Variants in TMC1 observed in about 807,000 individuals in gnomAD.
TMC1 encodes the protein transmembrane channel like 1, also known as transmembrane channel-like protein 1.
TMC1 carries 84 observed loss-of-function variants against 105.8 expected under a neutral mutation model. That is an observed-to-expected ratio of 0.79 (90% CI 0.67 to 0.95). TMC1 has a LOEUF of 0.95. Ranked by LOEUF, TMC1 falls within the 40% of genes least tolerant of loss-of-function variation. The probability of loss-of-function intolerance (pLI) is 0.00; values close to 1 mark genes in which losing one functional copy is unlikely to be tolerated. For missense variants in TMC1, 817 were observed against 914.1 expected (o/e 0.89, Z 1.37); for synonymous variants, 315 against 311.5 (o/e 1.01, Z -0.12).
chr9:72,766,860 A>G (rs1326872340), intron 12 of TMC1, among the ~76,000 whole-genome samples: 1 of 152,208 alleles, frequency 6.6e-6, no homozygotes. Context: ...AAATAAAATA[A>G]AAAAAACTCA....
intron 2 of TMC1, among the ~76,000 whole-genome samples, chr9:72,612,560 T>C (rs891955783): frequency 1.3e-5 from 2 of 152,130 alleles, no homozygotes; most frequent in African/African-American, 4.8e-5. Flanking sequence ...CACTTAACTC[T>C]GCTATCTCAG....
intron 1 of TMC1, among the ~76,000 whole-genome samples, chr9:72,539,267 G>A (rs1308426630): frequency 6.6e-6 from 1 of 151,914 alleles, no homozygotes; most frequent in African/African-American, 2.4e-5. Context: ...TCAGCCAGGT[G>A]TGGTGGCATG....
rs1341802536 is a variant in TMC1, at chr9:72,789,146, A to C, written c.1053A>C (p.Ala351=). The change falls in exon 15 of 24, where the codon GCA becomes GCC. Residue 351 remains alanine, a synonymous_variant. Coordinates refer to ENST00000297784, the MANE Select transcript of TMC1 (RefSeq NM_138691.3). ...AGGAAGCTATCACAGAAGAAAAAGC[A>C]GCCCAAGTAGAAGAAAACGTCCACT... ...NFKEAITEEK[A]AQVEENVHLI... 1.9e-6 allele frequency: 3 copies of C among 1,612,882 alleles called. No homozygotes were observed. The highest frequency in any genetic ancestry group is 2.5e-6 in the Non-Finnish European group (3 of 1,179,916).
At chr9:72,751,810 C>T (rs747576868) in intron 10 of TMC1, 40 bp from the exon 11 acceptor site, 1 of 1,336,696 alleles carries the variant, frequency 7.5e-7, no homozygotes, top group Non-Finnish European at 1.1e-6. Flanking sequence ...TGTTTGTTTG[C>T]TTTGATCTCT....
chr9:72,613,545 A>G (rs1334264737), intron 2 of TMC1, among the ~76,000 whole-genome samples: 1 of 152,076 alleles, frequency 6.6e-6, no homozygotes, highest in Non-Finnish European at 1.5e-5. Context: ...GAAAGTATTC[A>G]TACCTCTTTT....
chr9:72,836,389 T>C lies in TMC1; in HGVS notation c.*416T>C. 1.1e-5 allele frequency: 2 copies of C among 183,296 alleles called. No homozygotes were observed. Among genetic ancestry groups the C allele is most frequent in the Non-Finnish European group, 2.3e-5 (2 of 86,990 alleles). 11.4% of individuals were successfully genotyped at this position (183,296 alleles called of 1,614,324 possible). ...AACTGAGAGCAGAAATATTTCACCC[T>C]TTTTCCTCTAAGTTCAGAAATATTT... is the stretch of plus-strand genomic sequence containing the variant. On this transcript the variant is annotated 3_prime_UTR_variant, in exon 24 of 24. Coordinates refer to ENST00000297784, the MANE Select transcript of TMC1 (RefSeq NM_138691.3).
chr9:72,579,820 A>G (rs1241730217), intron 2 of TMC1, among the ~76,000 whole-genome samples: 1 of 152,134 alleles, frequency 6.6e-6, no homozygotes, highest in Non-Finnish European at 1.5e-5. Context: ...CCAGGAGTTC[A>G]AGACCAGCCT....
At chr9:72,800,919 T>C (rs1221120197) in intron 17 of TMC1, among the ~76,000 whole-genome samples, 1 of 152,190 alleles carries the variant, frequency 6.6e-6, no homozygotes. Context: ...AAGAGATCAA[T>C]ATCTGTATCC....
Position 72,688,701 on chromosome 9 carries a change from C to T in TMC1, c.17-8C>T. The T allele has an allele frequency of 6.2e-7, 1 of 1,609,186 alleles. No homozygotes were observed. Among genetic ancestry groups the T allele is most frequent in the Non-Finnish European group, 8.5e-7 (1 of 1,176,536 alleles). ...AATAATTGCTGTACTGTTTTCTTTCCTCAACAGTACAAATCAAAGTGGAGG... is the reference window on the plus strand; with the variant it reads ...AATAATTGCTGTACTGTTTTCTTTCTTCAACAGTACAAATCAAAGTGGAGG... On this transcript the variant is annotated splice_polypyrimidine_tract_variant and splice_region_variant and intron_variant, in intron 5 of 23. Transcript: ENST00000297784.
intron 5 of TMC1, among the ~76,000 whole-genome samples, chr9:72,657,648 C>T (rs549072050): frequency 1.3e-5 from 2 of 152,120 alleles, no homozygotes; most frequent in Admixed American, 6.5e-5. Flanking sequence ...ATTTATAAAT[C>T]TTGGGTGTAT....
intron 8 of TMC1, among the ~76,000 whole-genome samples, chr9:72,706,379 T>C (rs1826737226): frequency 6.6e-6 from 1 of 152,248 alleles, no homozygotes; most frequent in South Asian, 2.1e-4. Context: ...TGGATTATTT[T>C]CTTTTTTAAA....
intron 8 of TMC1, among the ~76,000 whole-genome samples, chr9:72,733,962 G>A (rs898222422): frequency 6.6e-6 from 1 of 152,038 alleles, no homozygotes; most frequent in African/African-American, 2.4e-5. Context: ...TATGCTTTGG[G>A]GGCATTATTA....
At chr9:72,606,978 T>TGA (rs33964265) in intron 2 of TMC1, among the ~76,000 whole-genome samples, 24 of 138,124 alleles carry the variant, frequency 1.7e-4, no homozygotes, top group African/African-American at 6.9e-4. Context: ...TATGTGTGTG[T>TGA]GTGCATATAT....
At chr9:72,779,599 C>G (rs1828059305) in intron 13 of TMC1, among the ~76,000 whole-genome samples, 1 of 152,154 alleles carries the variant, frequency 6.6e-6, no homozygotes, top group Non-Finnish European at 1.5e-5. Flanking sequence ...AACCCCATTA[C>G]AATAATTTCA....
intron 6 of TMC1, 95 bp from the exon 7 acceptor site, chr9:72,694,448 G>C: frequency 9.2e-7 from 1 of 1,081,230 alleles, no homozygotes; most frequent in Non-Finnish European, 1.4e-6. Flanking sequence ...TGTGCTGTCA[G>C]ATGTGTAATA....
At chr9:72,806,346 G>A (rs1292662499) in intron 18 of TMC1, among the ~76,000 whole-genome samples, 5 of 148,998 alleles carry the variant, frequency 3.4e-5, no homozygotes, top group Non-Finnish European at 7.5e-5. Context: ...GGCCGGGTGG[G>A]GGGCTGACCC....
chr9:72,702,472 T>G (rs1826661021), intron 8 of TMC1, among the ~76,000 whole-genome samples: 3 of 152,174 alleles, frequency 2.0e-5, no homozygotes, highest in African/African-American at 7.2e-5. Flanking sequence ...TTTTTGGAAT[T>G]ATAAAATGAG....
chr9:72,736,183 C>G (rs1233704341), intron 8 of TMC1, among the ~76,000 whole-genome samples: 1 of 152,122 alleles, frequency 6.6e-6, no homozygotes, highest in African/African-American at 2.4e-5. Context: ...GAAACTATAC[C>G]TAGCGTCAAG....
At chr9:72,737,255 G>T (rs1408487305) in intron 8 of TMC1, among the ~76,000 whole-genome samples, 11 of 152,116 alleles carry the variant, frequency 7.2e-5, no homozygotes, top group Non-Finnish European at 1.6e-4. Flanking sequence ...GACTTGTGTT[G>T]TGATCAAATT....
Sources: gnomAD v4.1 joint callset for allele counts (sites outside exome capture counted in the v4.1 genomes callset) on GRCh38, gnomAD v4.1.1 for gene constraint, MANE v1.5 for transcripts, NCBI Gene and HGNC (gene_info 2026-07-23, HGNC 2026-07-21) for gene names.